Variants in CNTN5 observed in about 807,000 individuals in gnomAD.
The protein encoded by CNTN5 is contactin 5, also known as contactin-5.
CNTN5 carries 77 observed loss-of-function variants against 129.1 expected under a neutral mutation model. That is an observed-to-expected ratio of 0.60 (90% CI 0.50 to 0.72). The LOEUF (loss-of-function observed/expected upper bound fraction) is 0.72, where lower values mean the gene tolerates loss of function less well. Among genes scored for constraint, CNTN5 ranks in the 30% least tolerant of loss-of-function variants. The pLI is 0.00. For missense variants in CNTN5, 1,478 were observed against 1,328.8 expected (o/e 1.11, Z -1.75); for synonymous variants, 509 against 465.6 (o/e 1.09, Z -1.20).
chr11:99,460,288 G>A (rs995343229), intron 2 of CNTN5, among the ~76,000 whole-genome samples: 38 of 151,268 alleles, frequency 2.5e-4, no homozygotes, highest in African/African-American at 8.7e-4. Flanking sequence ...AAATATTTAA[G>A]AAATATTAAT....
intron 19 of CNTN5, among the ~76,000 whole-genome samples, 185 bp from the exon 20 acceptor site, chr11:100,298,977 T>G (rs1429567218): frequency 6.6e-6 from 1 of 151,558 alleles, no homozygotes; most frequent in Non-Finnish European, 1.5e-5. Context: ...TCTTTTACCT[T>G]TAAAGCTTTT....
At chr11:100,003,026 G>A (rs1939971926) in intron 9 of CNTN5, among the ~76,000 whole-genome samples, 1 of 152,040 alleles carries the variant, frequency 6.6e-6, no homozygotes, top group Non-Finnish European at 1.5e-5. Flanking sequence ...ATTAAAGTAG[G>A]TTTAGCCTTT....
intron 3 of CNTN5, among the ~76,000 whole-genome samples, chr11:99,698,165 G>T (rs1186310869): frequency 6.7e-6 from 1 of 149,864 alleles, no homozygotes; most frequent in Non-Finnish European, 1.5e-5. Context: ...GTTTTCCAAA[G>T]TATTTTACAT....
chr11:100,001,222 G>C (rs1939854019), intron 8 of CNTN5, among the ~76,000 whole-genome samples: 3 of 152,158 alleles, frequency 2.0e-5, no homozygotes, highest in Admixed American at 2.0e-4. Context: ...AGAAGGAGAA[G>C]CAAGGCATGT....
At chr11:99,147,450 T>G (rs979066218) in intron 1 of CNTN5, among the ~76,000 whole-genome samples, 2 of 152,164 alleles carry the variant, frequency 1.3e-5, no homozygotes, top group Non-Finnish European at 2.9e-5. Context: ...GCTCCATATA[T>G]TTTAGTTTTA....
intron 6 of CNTN5, among the ~76,000 whole-genome samples, chr11:99,884,870 G>A (rs1192664833): frequency 6.6e-6 from 1 of 152,082 alleles, no homozygotes; most frequent in Non-Finnish European, 1.5e-5. Context: ...CCAGCTACTC[G>A]GTTGGCTGAG....
chr11:99,613,883 TTA>T (rs1176052049), intron 3 of CNTN5, among the ~76,000 whole-genome samples: 4 of 152,186 alleles, frequency 2.6e-5, no homozygotes, highest in African/African-American at 9.6e-5. Flanking sequence ...AACTTGTACT[TTA>T]TGTTTGGCTA....
intron 1 of CNTN5, among the ~76,000 whole-genome samples, chr11:99,024,210 A>G (rs765743970): frequency 6.6e-6 from 1 of 152,188 alleles, no homozygotes; most frequent in Non-Finnish European, 1.5e-5. Context: ...CCACTCAAGT[A>G]AGAAATCCTG....
At chr11:99,034,351 T>C (rs1241871064) in intron 1 of CNTN5, among the ~76,000 whole-genome samples, 2 of 151,798 alleles carry the variant, frequency 1.3e-5, no homozygotes, top group African/African-American at 4.8e-5. Flanking sequence ...ATGGTACCAG[T>C]TCCTCCTTGT....
At chr11:99,627,222 T>A (rs1346078874) in intron 3 of CNTN5, among the ~76,000 whole-genome samples, 2 of 152,130 alleles carry the variant, frequency 1.3e-5, no homozygotes, top group African/African-American at 2.4e-5. Flanking sequence ...CTAGCAGCTA[T>A]ATCCCTCGCC....
At chr11:99,263,791 A>AT (rs72228089) in intron 1 of CNTN5, among the ~76,000 whole-genome samples, 23,955 of 147,666 alleles carry the variant, frequency 0.16, 2,008 homozygotes, top group South Asian at 0.28. Flanking sequence ...CCAGCTATTA[A>AT]TTTTTTTTTT....
intron 2 of CNTN5, among the ~76,000 whole-genome samples, chr11:99,404,713 G>A (rs769861161): frequency 4.1e-4 from 63 of 152,122 alleles, no homozygotes; most frequent in Non-Finnish European, 8.2e-4. Context: ...TGTACTGTCT[G>A]TCTTAAAACG....
chr11:99,389,737 A>T (rs1320137031), intron 2 of CNTN5, among the ~76,000 whole-genome samples: 4 of 152,184 alleles, frequency 2.6e-5, no homozygotes, highest in African/African-American at 9.6e-5. Flanking sequence ...GCAGATGCAA[A>T]TAAGAAGCTG....
chr11:99,129,950 G>C (rs2135430171), intron 1 of CNTN5, among the ~76,000 whole-genome samples: 1 of 152,274 alleles, frequency 6.6e-6, no homozygotes, highest in Middle Eastern at 3.4e-3. Context: ...CCATGCAAGA[G>C]CTTCTGAAGA....
At chr11:99,736,138 C>T (rs1943702012) in intron 3 of CNTN5, among the ~76,000 whole-genome samples, 1 of 151,984 alleles carries the variant, frequency 6.6e-6, no homozygotes, top group South Asian at 2.1e-4. Flanking sequence ...TGGGACAAAA[C>T]ACAGACACTT....
At chr11:99,442,231 G>A (rs1023658303) in intron 2 of CNTN5, among the ~76,000 whole-genome samples, 6 of 151,954 alleles carry the variant, frequency 3.9e-5, no homozygotes, top group Admixed American at 1.3e-4. Context: ...GGAGTGCTGC[G>A]TGACCTTGGC....
At position 99,524,341 on chromosome 11, in the gene CNTN5, C is replaced by T. The variant is rs571480362; in HGVS notation, c.-70-31804C>T. On this transcript the variant is annotated intron_variant, in intron 2 of 24. Coordinates refer to ENST00000524871, the MANE Select transcript of CNTN5 (RefSeq NM_014361.4). ...TTTAATTTAAAGGTATAATAATATT[C>T]TTATTTCTTATTCAACATTTTATAT... Among the ~76,000 whole-genome samples the T allele has an allele frequency of 4.0e-4, 61 of 152,116 alleles. 1 individual carries two copies. Among genetic ancestry groups the T allele is most frequent in the Middle Eastern group, 3.4e-3 (1 of 294 alleles).
rs1949293099 is a variant in CNTN5 at position 100,222,833 on chromosome 11, G to A, written c.1885-1859G>A. ...TGCACAGCCATTCCTGATTAACTGAGTACCCCATTAAAAGACCTAAGAAAT... is the reference window on the plus strand; with the variant it reads ...TGCACAGCCATTCCTGATTAACTGAATACCCCATTAAAAGACCTAAGAAAT... On this transcript the variant is annotated intron_variant, in intron 15 of 24. Transcript: ENST00000524871. 2.0e-5 allele frequency among the ~76,000 whole-genome samples: 3 copies of A among 151,844 alleles called. No homozygotes were observed. The South Asian group carries it at 6.2e-4, about 32-fold the overall frequency.
At chr11:100,080,066 T>A (rs1591196756) in intron 13 of CNTN5, among the ~76,000 whole-genome samples, 3 of 152,292 alleles carry the variant, frequency 2.0e-5, no homozygotes, top group Admixed American at 2.0e-4. Context: ...GTTTATTTTG[T>A]TTCCTTTCCA....
Sources: gnomAD v4.1 joint callset for allele counts (sites outside exome capture counted in the v4.1 genomes callset) on GRCh38, gnomAD v4.1.1 for gene constraint, MANE v1.5 for transcripts, NCBI Gene and HGNC (gene_info 2026-07-23, HGNC 2026-07-21) for gene names.